DNAH17: variants seen among roughly 807,000 people sequenced by gnomAD.
DNAH17 encodes dynein axonemal heavy chain 17, also known as axonemal beta dynein heavy chain 17.
Under a neutral mutation model 485.6 loss-of-function variants are expected in DNAH17, and 376 were observed. The ratio of observed to expected loss-of-function variants is 0.77; its 90% CI spans 0.71 to 0.84. The LOEUF is 0.84. Ranked by LOEUF, DNAH17 falls within the 40% of genes least tolerant of loss-of-function variation. The pLI, the probability that DNAH17 is intolerant of heterozygous loss-of-function variation, is 0.00. For missense variants in DNAH17, 6,370 were observed against 5,839.3 expected (o/e 1.09, Z -2.96); for synonymous variants, 3,031 against 2,405.9 (o/e 1.26, Z -7.60).
At chr17:78,437,942 T>A in intron 73 of DNAH17, 74 bp from the exon 74 acceptor site, 1 of 1,180,446 alleles carries the variant, frequency 8.5e-7, no homozygotes, top group Non-Finnish European at 1.2e-6. Context: ...GGCACGTGGC[T>A]ATGTTCCCTG....
At chr17:78,440,590 T>A (rs551816279) in intron 72 of DNAH17, among the ~76,000 whole-genome samples, 1 of 152,302 alleles carries the variant, frequency 6.6e-6, no homozygotes, top group Non-Finnish European at 1.5e-5. Flanking sequence ...AGGGATACTA[T>A]TCCACCATAT....
chr17:78,533,409 G>T (rs531674787), intron 19 of DNAH17, among the ~76,000 whole-genome samples: 28 of 152,130 alleles, frequency 1.8e-4, no homozygotes, highest in Admixed American at 1.8e-3. Context: ...CAAGAGAAGC[G>T]GCTTTCCTGG....
chr17:78,486,334 A>G lies in DNAH17; in HGVS notation c.6991T>C (p.Cys2331Arg), dbSNP rs1167736636. The G allele has an allele frequency of 4.3e-6, 7 of 1,613,514 alleles. No individual in the cohort carries two copies. The highest frequency in any genetic ancestry group is 5.9e-6 in the Non-Finnish European group (7 of 1,179,754). The change falls in exon 45 of 81, where the codon TGC becomes CGC. Residue 2331 changes from cysteine to arginine, a missense_variant. Coordinates refer to ENST00000389840, the MANE Select transcript of DNAH17 (RefSeq NM_173628.4). ...VIQTILYLLE[C>R]LLTEKTVPPD... is the part of the protein sequence containing the mutation. ...GGCACGGTCTTCTCCGTGAGCAGGC[A>G]CTCCAGCAGGTACAGAATCGTTTGG...
intron 65 of DNAH17, among the ~76,000 whole-genome samples, chr17:78,453,052 C>T (rs1316390028): frequency 3.3e-5 from 5 of 152,192 alleles, no homozygotes; most frequent in African/African-American, 4.8e-5. Context: ...CCAAGATTTG[C>T]AAAATGCCTA....
At chr17:78,452,359 C>T (rs1361120694) in intron 65 of DNAH17, among the ~76,000 whole-genome samples, 3 of 152,164 alleles carry the variant, frequency 2.0e-5, no homozygotes, top group East Asian at 1.9e-4. Flanking sequence ...AAACACAATG[C>T]GCCCGGCCAC....
chr17:78,435,113 G>A (rs1188963584), intron 74 of DNAH17, among the ~76,000 whole-genome samples: 1 of 152,168 alleles, frequency 6.6e-6, no homozygotes, highest in African/African-American at 2.4e-5. Context: ...CAGAGACGAT[G>A]GGCCCAGGAG....
chr17:78,571,055 GC>G, intron 5 of DNAH17, 22 bp from the exon 6 acceptor site: 2 of 1,556,552 alleles, frequency 1.3e-6, no homozygotes, highest in South Asian at 1.2e-5. Flanking sequence ...AAGAACAAGT[GC>G]CCACCGGTAA....
rs190866003 is a variant in DNAH17, at chr17:78,548,531, T to C, written c.2391+3004A>G. Reference sequence around the variant, plus strand: ...GGCCTTTTTAATTTAAGAAAAAATGTCTTAGGTTTACTAAATAAAGAGCTT... The same window carrying C: ...GGCCTTTTTAATTTAAGAAAAAATGCCTTAGGTTTACTAAATAAAGAGCTT... On this transcript the variant is annotated intron_variant, in intron 16 of 80. Transcript: ENST00000389840. Among the ~76,000 whole-genome samples, 408 of 152,264 alleles carry C rather than the reference T, an allele frequency of 2.7e-3. 4 individuals are homozygous for C. The highest frequency in any genetic ancestry group is 8.2e-3 in the African/African-American group (342 of 41,564).
rs1568252730 is a variant in DNAH17, at chr17:78,558,528, T to TGGGTGGATGACATCACCCTCAC, written c.2032-275_2032-274insGTGAGGGTGATGTCATCCACCC. On this transcript the variant is annotated intron_variant, in intron 13 of 80. Coordinates refer to ENST00000389840, the MANE Select transcript of DNAH17 (RefSeq NM_173628.4). Reference sequence around the variant, plus strand: ...TCATGGGTGGATGACATCACCCTCATGGGTGGATGACATCATCATTGCATG... The same window carrying TGGGTGGATGACATCACCCTCAC: ...TCATGGGTGGATGACATCACCCTCATGGGTGGATGACATCACCCTCACGGGTGGATGACATCATCATTGCATG... Among the ~76,000 whole-genome samples the TGGGTGGATGACATCACCCTCAC allele has an allele frequency of 1.7e-3, 238 of 137,248 alleles. 1 individual carries two copies. Among genetic ancestry groups the TGGGTGGATGACATCACCCTCAC allele is most frequent in the African/African-American group, 6.4e-3 (230 of 35,852 alleles). The allele number at this position is 137,248 out of a possible 152,430, so 90.0% of individuals were successfully genotyped here.
intron 35 of DNAH17, 171 bp downstream of exon 35, chr17:78,501,013 G>A (rs979137738): frequency 2.7e-5 from 19 of 695,000 alleles, no homozygotes; most frequent in Non-Finnish European, 3.9e-5. Flanking sequence ...CCACACAGCC[G>A]GTGCTAGAAC....
chr17:78,539,849 A>G lies in DNAH17; in HGVS notation c.2564T>C (p.Leu855Pro). ...GACATAATCCTTCCAGGGCAGGCTC[A>G]GTGTGTCTGCCCTGAATAGTTCTGC... Reference protein sequence around the residue: ...ENAELFRADTLSLPWKDYVIY... With the variant: ...ENAELFRADTPSLPWKDYVIY... Residue 855 changes from leucine to proline, a missense_variant, in exon 18 of 81, where the codon CTG becomes CCG. Coordinates refer to ENST00000389840, the MANE Select transcript of DNAH17 (RefSeq NM_173628.4). 2 of 1,609,690 alleles carry G rather than the reference A, an allele frequency of 1.2e-6. No individual in the cohort carries two copies. Among genetic ancestry groups the G allele is most frequent in the Non-Finnish European group, 1.7e-6 (2 of 1,178,724 alleles).
chr17:78,490,512 C>T (rs981710635), intron 44 of DNAH17, among the ~76,000 whole-genome samples, 187 bp downstream of exon 44: 1 of 150,980 alleles, frequency 6.6e-6, no homozygotes, highest in African/African-American at 2.5e-5. Flanking sequence ...TGCCTCGTGT[C>T]ACTGTGAATT....
intron 48 of DNAH17, 27 bp downstream of exon 48, chr17:78,484,840 CT>C (rs1265820409): frequency 6.6e-7 from 1 of 1,506,420 alleles, no homozygotes; most frequent in Non-Finnish European, 8.9e-7. Flanking sequence ...GGGGCCACGC[CT>C]TCCCCTCCGG....
At chr17:78,488,428 G>A (rs1292473613) in intron 44 of DNAH17, among the ~76,000 whole-genome samples, 1 of 152,154 alleles carries the variant, frequency 6.6e-6, no homozygotes, top group Non-Finnish European at 1.5e-5. Flanking sequence ...GTCACTCCTT[G>A]GAGGTGTCCA....
chr17:78,478,667 A>G (rs2089208436), intron 51 of DNAH17, among the ~76,000 whole-genome samples: 1 of 150,462 alleles, frequency 6.6e-6, no homozygotes, highest in African/African-American at 2.5e-5. Context: ...CATCACTACC[A>G]TCACTACCAC....
At chr17:78,539,225 G>A (rs1203486899) in intron 18 of DNAH17, among the ~76,000 whole-genome samples, 2 of 151,968 alleles carry the variant, frequency 1.3e-5, no homozygotes, top group African/African-American at 2.4e-5. Context: ...GCGGGACTCT[G>A]TCTCAAAAAA....
At chr17:78,502,563 CG>C (rs2090336024) in intron 33 of DNAH17, 27 bp downstream of exon 33, 9 of 1,590,756 alleles carry the variant, frequency 5.7e-6, no homozygotes, top group Non-Finnish European at 7.7e-6. Context: ...GTTTTAAAAA[CG>C]TAACTAACTA....
At chr17:78,431,577 G>C (rs2086676774) in intron 75 of DNAH17, among the ~76,000 whole-genome samples, 1 of 152,034 alleles carries the variant, frequency 6.6e-6, no homozygotes, top group Non-Finnish European at 1.5e-5. Flanking sequence ...GGGAATCCCT[G>C]ATCTATTTCC....
At chr17:78,530,064 C>T (rs970972320) in intron 21 of DNAH17, among the ~76,000 whole-genome samples, 7 of 152,234 alleles carry the variant, frequency 4.6e-5, no homozygotes, top group Non-Finnish European at 7.3e-5. Flanking sequence ...GTTTGTTCAG[C>T]GCCAGCCTTC....
Sources: allele counts gnomAD v4.1 joint callset (sites outside exome capture counted in the v4.1 genomes callset), GRCh38; gene constraint gnomAD v4.1.1; transcripts MANE v1.5; gene names NCBI Gene and HGNC (gene_info 2026-07-23, HGNC 2026-07-21).